Variants in CFAP47 observed in about 807,000 individuals in gnomAD.
The protein encoded by CFAP47 is cilia- and flagella-associated protein 47.
In CFAP47, 29 loss-of-function variants were observed where a neutral mutation model predicts 148.1. That is an observed-to-expected ratio of 0.20 (90% CI 0.15 to 0.27). The LOEUF (loss-of-function observed/expected upper bound fraction) is 0.27. Among genes scored for constraint, CFAP47 ranks in the 10% least tolerant of loss-of-function variants. The pLI, the probability that CFAP47 is intolerant of heterozygous loss-of-function variation, is 1.00. For missense variants in CFAP47, 1,872 were observed against 1,697.5 expected, an observed-to-expected ratio of 1.10 and a Z score of -1.81; for synonymous variants, 664 against 577.3, an observed-to-expected ratio of 1.15 and a Z score of -2.15.
chrX:36,224,645 C>G (rs782375581), intron 45 of CFAP47, among the ~76,000 whole-genome samples: 39 of 111,569 alleles, frequency 3.5e-4, no homozygotes, highest in African/African-American at 1.3e-3. Context: ...TTGGGCTCAT[C>G]TCATACAGGA....
At chrX:36,148,613 G>A (rs887989884) in intron 36 of CFAP47, among the ~76,000 whole-genome samples, 5 of 111,773 alleles carry the variant, frequency 4.5e-5, no homozygotes, top group Admixed American at 9.5e-5. Context: ...CCAACCCTTC[G>A]TTGAACTACC....
intron 2 of CFAP47, among the ~76,000 whole-genome samples, chrX:35,928,048 G>T (rs1188418070): frequency 9.4e-6 from 1 of 106,198 alleles, no homozygotes; most frequent in East Asian, 2.9e-4. Flanking sequence ...TTTAACAATT[G>T]ACCTGTTGAA....
At chrX:36,356,100 T>C (rs916230702) in intron 60 of CFAP47, among the ~76,000 whole-genome samples, 6 of 112,004 alleles carry the variant, frequency 5.4e-5, no homozygotes, top group African/African-American at 1.9e-4. Context: ...GAAAGTCATA[T>C]TTAGGAGAGC....
In CFAP47 at chrX:36,235,999, T is replaced by C; in HGVS notation, c.7080T>C (p.Pro2360=). The change falls in exon 47 of 64, where the codon CCT becomes CCC. Residue 2360 remains proline, a synonymous_variant. Coordinates refer to ENST00000378653, the MANE Select transcript of CFAP47 (RefSeq NM_001304548.2). ...TAGAAGGAGAATGGTTTTATGGACCTGTTGATTTACATGTTGGACCAGATG... is the reference window on the plus strand; with the variant it reads ...TAGAAGGAGAATGGTTTTATGGACCCGTTGATTTACATGTTGGACCAGATG... ...VTIEGEWFYG[P]VDLHVGPDEI... The C allele has an allele frequency of 1.9e-6, 1 of 516,106 alleles. No homozygotes were observed. Among genetic ancestry groups the C allele is most frequent in the Non-Finnish European group, 3.5e-6 (1 of 283,313 alleles). The allele number at this position is 516,106 out of a possible 1,213,427, so 42.5% of individuals were successfully genotyped here. A position where few individuals can be genotyped will look rare whatever the true frequency, so the allele number is the denominator to read the frequency against.
chrX:36,141,531 A>G (rs1219492701), intron 35 of CFAP47, among the ~76,000 whole-genome samples: 1 of 110,719 alleles, frequency 9.0e-6, no homozygotes, highest in Non-Finnish European at 1.9e-5. Context: ...CTCTGAAAAC[A>G]CTCTCACAGA....
At chrX:36,220,310 G>A (rs1255330962) in intron 45 of CFAP47, among the ~76,000 whole-genome samples, 4 of 110,799 alleles carry the variant, frequency 3.6e-5, no homozygotes, top group Non-Finnish European at 7.6e-5. Flanking sequence ...CGTGTATTCC[G>A]AAATCTGAAA....
At chrX:36,200,631 G>A (rs1345951191) in intron 43 of CFAP47, 138 bp downstream of exon 43, 4 of 278,589 alleles carry the variant, frequency 1.4e-5, no homozygotes, top group African/African-American at 8.4e-5. Context: ...ACTTTATTAT[G>A]TCAGTATCCA....
rs987743682 is a variant in CFAP47 at position 36,342,095 on chromosome X, C to G, written c.8444-6034C>G. On this transcript the variant is annotated intron_variant, in intron 57 of 63. Coordinates refer to ENST00000378653, the MANE Select transcript of CFAP47 (RefSeq NM_001304548.2). ...TAATCATTATACTAGCTAGATTTCC[C>G]AGTCAGAAGATACAAACAACTGATG... Among the ~76,000 whole-genome samples the G allele has an allele frequency of 2.3e-4, 26 of 111,276 alleles. 1 individual carries two copies. The highest frequency in any genetic ancestry group is 8.1e-4 in the African/African-American group (25 of 30,691).
chrX:36,190,179 A>G lies in CFAP47; in HGVS notation c.6304A>G (p.Ile2102Val), dbSNP rs183808856. ...FNMHVRYCVI[I>V]LSNKKIGQLI... ...CATGCACGTGCGCTACTGTGTCATC[A>G]TCTTGAGCAACAAAAAGGTGAGAAC... The change falls in exon 42 of 64, where the codon ATC (isoleucine) becomes GTC (valine). Residue 2102 changes from isoleucine (I) to valine (V), a missense_variant. Ile to Val is a conservative substitution (Grantham distance 29). Transcript: ENST00000378653. 542 of 296,490 alleles carry G rather than the reference A, an allele frequency of 1.8e-3. No individual in the cohort carries two copies. Among genetic ancestry groups the G allele is most frequent in the Non-Finnish European group, 2.9e-3 (488 of 169,919 alleles). 24.4% of individuals were successfully genotyped at this position (296,490 alleles called of 1,213,427 possible). A position where few individuals can be genotyped will look rare whatever the true frequency, so the allele number is the denominator to read the frequency against.
chrX:35,989,208 GTTTA>G, intron 15 of CFAP47, 107 bp from the exon 16 acceptor site: 10 of 566,740 alleles, frequency 1.8e-5, no homozygotes, highest in Non-Finnish European at 2.5e-5. Context: ...AATTTTAATA[GTTTA>G]TTTAATGCAA....
At chrX:36,070,410 G>A (rs1397820890) in intron 27 of CFAP47, among the ~76,000 whole-genome samples, 1 of 110,574 alleles carries the variant, frequency 9.0e-6, no homozygotes, top group Non-Finnish European at 1.9e-5. Context: ...TTGACACCAG[G>A]GTGGGGCTTG....
At chrX:36,041,645 T>A (rs1354675183) in intron 25 of CFAP47, among the ~76,000 whole-genome samples, 1 of 111,419 alleles carries the variant, frequency 9.0e-6, no homozygotes, top group African/African-American at 3.3e-5. Flanking sequence ...TATGAGAACA[T>A]ACATATAATT....
chrX:36,379,222 G>A (rs1942054249), intron 62 of CFAP47, 128 bp from the exon 63 acceptor site: 8 of 553,074 alleles, frequency 1.4e-5, no homozygotes, highest in Non-Finnish European at 2.3e-5. Flanking sequence ...CTATTATTTG[G>A]TAAGCATTCA....
rs142692410 is a variant in CFAP47 at position 36,316,818 on chromosome X, C to A, written c.8345-2391C>A. ...TTTTTTGTTTTGAGACATGGTCTCA[C>A]TTGGTCCCGTAGGCTAGAGTGCAGT... On this transcript the variant is annotated intron_variant, in intron 56 of 63. Transcript: ENST00000378653. Among the ~76,000 whole-genome samples, 1,063 of 112,320 alleles carry A rather than the reference C, an allele frequency of 9.5e-3. 11 individuals are homozygous for A. The highest frequency in any genetic ancestry group is 0.032 in the African/African-American group (998 of 30,933).
intron 57 of CFAP47, among the ~76,000 whole-genome samples, chrX:36,338,035 ATTTTTT>A (rs1209274928): frequency 1.1e-4 from 5 of 46,570 alleles, no homozygotes; most frequent in South Asian, 1.1e-3. Context: ...ACGCCTGGCT[ATTTTTT>A]TTTTTTTTTT....
Position 35,966,641 on chromosome X carries a change from T to C in CFAP47, c.1487T>C (p.Val496Ala), listed in dbSNP as rs776972115. The C allele has an allele frequency of 1.7e-6, 2 of 1,182,999 alleles. No homozygotes were observed. Among genetic ancestry groups the C allele is most frequent in the Non-Finnish European group, 2.3e-6 (2 of 878,299 alleles). ...VKQMIEIIGL[V>A]AEEDLQSLSV... ...CAGATGATAGAGATTATTGGTTTAG[T>C]GGCAGAAGAAGATTTGCAATCTTTG... The change falls in exon 9 of 64, where the codon GTG becomes GCG. Residue 496 changes from valine to alanine, a missense_variant. Val to Ala is a moderately conservative substitution (Grantham distance 64, BLOSUM62 0). Coordinates refer to ENST00000378653, the MANE Select transcript of CFAP47 (RefSeq NM_001304548.2).
chrX:35,968,294 C>T (rs1195077774), intron 10 of CFAP47, among the ~76,000 whole-genome samples: 2 of 110,491 alleles, frequency 1.8e-5, no homozygotes, highest in African/African-American at 6.6e-5. Flanking sequence ...TTTGTTTGAC[C>T]CCCTTCAAAG....
intron 39 of CFAP47, among the ~76,000 whole-genome samples, chrX:36,162,949 C>A (rs919976590): frequency 2.7e-5 from 3 of 111,393 alleles, no homozygotes; most frequent in Non-Finnish European, 5.7e-5. Flanking sequence ...ACCTTCTATT[C>A]TATTGTTTGG....
At chrX:36,265,917 C>T (rs1263450467) in intron 49 of CFAP47, among the ~76,000 whole-genome samples, 21 of 111,576 alleles carry the variant, frequency 1.9e-4, no homozygotes, top group African/African-American at 6.5e-4. Context: ...GGTGTGACTG[C>T]GGTACAAGTT....
Sources: gnomAD v4.1 joint callset for allele counts (sites outside exome capture counted in the v4.1 genomes callset) on GRCh38, gnomAD v4.1.1 for gene constraint, MANE v1.5 for transcripts, NCBI Gene and HGNC (gene_info 2026-07-23, HGNC 2026-07-21) for gene names.